GPC6: variants seen among roughly 807,000 people sequenced by gnomAD.
GPC6 encodes the protein glypican 6.
Under a neutral mutation model 55.2 loss-of-function variants are expected in GPC6, and 14 were observed. The observed-to-expected ratio is 0.25, with a 90% CI of 0.17 to 0.40. The LOEUF (loss-of-function observed/expected upper bound fraction) is 0.40. GPC6 is among the 10% of genes least tolerant of loss of function. The pLI, the probability that GPC6 is intolerant of heterozygous loss-of-function variation, is 1.00. For synonymous variants in GPC6, 278 were observed against 259.6 expected (o/e 1.07, Z -0.68); for missense variants, 641 against 708.5 (o/e 0.90, Z 1.08).
At chr13:93,763,984 C>A (rs1450300672) in intron 2 of GPC6, among the ~76,000 whole-genome samples, 1 of 152,090 alleles carries the variant, frequency 6.6e-6, no homozygotes, top group Non-Finnish European at 1.5e-5. Flanking sequence ...GTTGTCCTTT[C>A]AAACCTTTGC....
intron 4 of GPC6, among the ~76,000 whole-genome samples, chr13:94,261,856 A>C (rs1165433767): frequency 6.6e-6 from 1 of 152,204 alleles, no homozygotes; most frequent in Non-Finnish European, 1.5e-5. Context: ...TGAATTAAGA[A>C]ATTATTGGGA....
chr13:93,713,082 G>T lies in GPC6; in HGVS notation c.320-117072G>T, dbSNP rs143118951. Among the ~76,000 whole-genome samples, 6 of 151,504 alleles carry T rather than the reference G, an allele frequency of 4.0e-5. No individual in the cohort carries two copies. In the East Asian group the frequency reaches 1.2e-3, roughly 30 times the overall value. Reference sequence around the variant, plus strand: ...AGCAATTTAAGAGATGTATCTGGATGGCTCTTTGATTAAACAGAAATTAAA... The same window carrying T: ...AGCAATTTAAGAGATGTATCTGGATTGCTCTTTGATTAAACAGAAATTAAA... On this transcript the variant is annotated intron_variant, in intron 2 of 8. Transcript: ENST00000377047.
chr13:93,686,456 AG>A (rs1882049527), intron 2 of GPC6, among the ~76,000 whole-genome samples: 1 of 152,144 alleles, frequency 6.6e-6, no homozygotes, highest in African/African-American at 2.4e-5. Flanking sequence ...AGGATGCATG[AG>A]GCCTGCTGGA....
intron 1 of GPC6, among the ~76,000 whole-genome samples, chr13:93,489,627 T>C (rs534300833): frequency 3.3e-5 from 5 of 151,776 alleles, no homozygotes; most frequent in African/African-American, 1.2e-4. Context: ...TCCATTTGTT[T>C]GTGTCCTCTT....
intron 7 of GPC6, among the ~76,000 whole-genome samples, chr13:94,393,142 C>T (rs1458718790): frequency 6.6e-6 from 1 of 151,914 alleles, no homozygotes; most frequent in Admixed American, 6.6e-5. Context: ...GCTTGTAGTC[C>T]CTTATTTGAG....
chr13:93,586,653 T>A (rs1316004802), intron 2 of GPC6, among the ~76,000 whole-genome samples: 1 of 152,168 alleles, frequency 6.6e-6, no homozygotes, highest in Non-Finnish European at 1.5e-5. Context: ...CCTCAAACTG[T>A]ATAAAAACCC....
intron 6 of GPC6, among the ~76,000 whole-genome samples, chr13:94,356,634 C>G (rs914140374): frequency 6.6e-6 from 1 of 152,230 alleles, no homozygotes; most frequent in African/African-American, 2.4e-5. Flanking sequence ...AGAGCCATCA[C>G]TCCTGGTGAA....
intron 3 of GPC6, among the ~76,000 whole-genome samples, chr13:93,889,544 G>T (rs1376426041): frequency 6.6e-6 from 1 of 151,982 alleles, no homozygotes; most frequent in South Asian, 2.1e-4. Flanking sequence ...TTTTAATATG[G>T]GTTTTCCCCC....
chr13:93,462,217 C>T (rs1878716846), intron 1 of GPC6, among the ~76,000 whole-genome samples: 1 of 152,100 alleles, frequency 6.6e-6, no homozygotes, highest in Non-Finnish European at 1.5e-5. Flanking sequence ...AAGAAAGATT[C>T]CATCCTTCAT....
intron 4 of GPC6, among the ~76,000 whole-genome samples, chr13:94,233,930 C>A (rs991027903): frequency 1.3e-5 from 2 of 152,028 alleles, no homozygotes; most frequent in Non-Finnish European, 2.9e-5. Flanking sequence ...TTCGAACATA[C>A]CCCCCAGGGC....
intron 2 of GPC6, among the ~76,000 whole-genome samples, chr13:93,715,063 T>C (rs1883203942): frequency 6.6e-6 from 1 of 151,678 alleles, no homozygotes; most frequent in Non-Finnish European, 1.5e-5. Context: ...ATTTCTTTAC[T>C]GTATCCTGTC....
chr13:93,808,137 T>G (rs1886592852), intron 2 of GPC6, among the ~76,000 whole-genome samples: 1 of 152,212 alleles, frequency 6.6e-6, no homozygotes, highest in Non-Finnish European at 1.5e-5. Flanking sequence ...TTCTAAATGT[T>G]AACATTTTAT....
At chr13:93,718,841 A>C (rs189490767) in intron 2 of GPC6, among the ~76,000 whole-genome samples, 1 of 151,948 alleles carries the variant, frequency 6.6e-6, no homozygotes, top group Non-Finnish European at 1.5e-5. Flanking sequence ...TAAATAGGGA[A>C]TCCTTTCCTC....
At chr13:93,779,174 G>C (rs892941905) in intron 2 of GPC6, among the ~76,000 whole-genome samples, 2 of 151,954 alleles carry the variant, frequency 1.3e-5, no homozygotes, top group African/African-American at 2.4e-5. Flanking sequence ...TGTGTTTCTC[G>C]AGAGAAAGGA....
At chr13:93,724,442 C>G (rs780561319) in intron 2 of GPC6, among the ~76,000 whole-genome samples, 5 of 152,008 alleles carry the variant, frequency 3.3e-5, no homozygotes, top group Non-Finnish European at 5.9e-5. Flanking sequence ...CTATCTTATA[C>G]TTTCTCGTGA....
In GPC6 at chr13:94,406,236, C is replaced by T. The variant is rs1881360401; in HGVS notation, c.*3019C>T. The T allele has an allele frequency of 6.6e-6, 1 of 152,084 alleles. No homozygotes were observed. Among genetic ancestry groups the T allele is most frequent in the Admixed American group, 6.5e-5 (1 of 15,280 alleles). The allele number at this position is 152,084 out of a possible 1,614,324, so 9.4% of individuals were successfully genotyped here. A position where few individuals can be genotyped will look rare whatever the true frequency, so the allele number is the denominator to read the frequency against. ...TATGTATTTTTCTAACAGAAATACA[C>T]GTCTGTAATTGGTATATATTATACT... On this transcript the variant is annotated 3_prime_UTR_variant, in exon 9 of 9. Coordinates refer to ENST00000377047, the MANE Select transcript of GPC6 (RefSeq NM_005708.5).
At chr13:94,121,495 C>T (rs1207990369) in intron 4 of GPC6, among the ~76,000 whole-genome samples, 1 of 152,036 alleles carries the variant, frequency 6.6e-6, no homozygotes, top group African/African-American at 2.4e-5. Context: ...GTAATTATCC[C>T]TTAGGAAGAA....
intron 2 of GPC6, among the ~76,000 whole-genome samples, chr13:93,676,935 G>C (rs949890098): frequency 6.6e-6 from 1 of 152,058 alleles, no homozygotes; most frequent in Non-Finnish European, 1.5e-5. Flanking sequence ...TCAGGATAGA[G>C]TGAATTGATT....
chr13:94,206,173 A>G (rs1889896037), intron 4 of GPC6, among the ~76,000 whole-genome samples: 1 of 152,240 alleles, frequency 6.6e-6, no homozygotes. Context: ...GGGAAACTGA[A>G]TCATACAAAT....
Sources: gnomAD v4.1 joint callset for allele counts (sites outside exome capture counted in the v4.1 genomes callset) on GRCh38, gnomAD v4.1.1 for gene constraint, MANE v1.5 for transcripts, NCBI Gene and HGNC (gene_info 2026-07-23, HGNC 2026-07-21) for gene names.